The following GRID1 variants were observed in gnomAD, a reference collection of about 807,000 sequenced individuals.
GRID1 encodes the protein glutamate receptor ionotropic, delta-1.
A neutral mutation model predicts 98.0 loss-of-function variants in GRID1; 28 were observed. The ratio of observed to expected loss-of-function variants is 0.29; its 90% CI spans 0.21 to 0.39. The LOEUF (loss-of-function observed/expected upper bound fraction) is 0.39. Among genes scored for constraint, GRID1 ranks in the 10% least tolerant of loss-of-function variants. GRID1 has a pLI of 1.00. For synonymous variants in GRID1, 553 were observed against 538.5 expected (o/e 1.03, Z -0.37); for missense variants, 1,111 against 1,340.5 (o/e 0.83, Z 2.67).
intron 2 of GRID1, among the ~76,000 whole-genome samples, chr10:86,336,962 A>T (rs187145325): frequency 0.035 from 5,246 of 150,204 alleles, 196 homozygotes; most frequent in African/African-American, 0.096. Context: ...CTCCTGCCTC[A>T]GCCTCCCGAG....
chr10:85,651,281 G>T (rs1359610157), intron 12 of GRID1, among the ~76,000 whole-genome samples: 2 of 152,184 alleles, frequency 1.3e-5, no homozygotes, highest in Non-Finnish European at 2.9e-5. Flanking sequence ...TAGTTCAAAT[G>T]GTTGGAACAC....
At chr10:86,269,772 T>G (rs752203722) in intron 2 of GRID1, among the ~76,000 whole-genome samples, 50 of 152,236 alleles carry the variant, frequency 3.3e-4, no homozygotes, top group Non-Finnish European at 6.8e-4. Context: ...TTTGCTTTTT[T>G]GCTTTTTGCT....
intron 5 of GRID1, among the ~76,000 whole-genome samples, chr10:85,878,036 T>A (rs929099987): frequency 6.6e-6 from 1 of 151,866 alleles, no homozygotes; most frequent in South Asian, 2.1e-4. Context: ...GAAGACGAAA[T>A]GAATGAAATG....
chr10:85,630,607 G>T (rs1052544382), intron 13 of GRID1, among the ~76,000 whole-genome samples: 2 of 152,046 alleles, frequency 1.3e-5, no homozygotes, highest in African/African-American at 4.8e-5. Context: ...AAATGGAAGA[G>T]GGGCACAGGT....
chr10:85,854,998 A>G (rs979510632), intron 7 of GRID1, among the ~76,000 whole-genome samples: 2 of 152,218 alleles, frequency 1.3e-5, no homozygotes, highest in Non-Finnish European at 2.9e-5. Context: ...CTAACCCAAG[A>G]GAAAATTCAA....
chr10:86,336,527 G>A (rs917934771), intron 2 of GRID1, among the ~76,000 whole-genome samples: 2 of 152,116 alleles, frequency 1.3e-5, no homozygotes, highest in African/African-American at 4.8e-5. Flanking sequence ...CCTCCTCCAC[G>A]GTGACAATTA....
chr10:85,993,638 T>C (rs1487928625), intron 4 of GRID1, among the ~76,000 whole-genome samples: 2 of 152,142 alleles, frequency 1.3e-5, no homozygotes, highest in Non-Finnish European at 2.9e-5. Flanking sequence ...GGCCCATGAC[T>C]AGTAATAAGA....
chr10:85,685,619 T>C (rs1157666215), intron 12 of GRID1, among the ~76,000 whole-genome samples: 1 of 152,150 alleles, frequency 6.6e-6, no homozygotes, highest in African/African-American at 2.4e-5. Flanking sequence ...CAAACTAGGT[T>C]GGAGACGTGG....
chr10:85,955,410 G>A (rs1478744725), intron 4 of GRID1, among the ~76,000 whole-genome samples: 1 of 152,130 alleles, frequency 6.6e-6, no homozygotes, highest in Non-Finnish European at 1.5e-5. Flanking sequence ...GGACGCAATG[G>A]CCTCCTCTGG....
chr10:85,919,436 C>G (rs1048572048), intron 4 of GRID1, among the ~76,000 whole-genome samples: 4 of 152,174 alleles, frequency 2.6e-5, no homozygotes, highest in African/African-American at 9.6e-5. Flanking sequence ...GTGCCACTCG[C>G]ACAGAGGCTG....
At chr10:85,948,381 T>C (rs1299699103) in intron 4 of GRID1, among the ~76,000 whole-genome samples, 1 of 152,226 alleles carries the variant, frequency 6.6e-6, no homozygotes, top group Non-Finnish European at 1.5e-5. Flanking sequence ...AGGAATTAGG[T>C]AGTCCTTTTG....
intron 4 of GRID1, among the ~76,000 whole-genome samples, chr10:86,067,818 C>T (rs1843741690): frequency 6.6e-6 from 1 of 152,224 alleles, no homozygotes; most frequent in African/African-American, 2.4e-5. Flanking sequence ...CATTCCTATG[C>T]CAGAGCTCCC....
chr10:85,839,339 T>C (rs1048440005), intron 8 of GRID1, among the ~76,000 whole-genome samples: 1 of 152,170 alleles, frequency 6.6e-6, no homozygotes, highest in Non-Finnish European at 1.5e-5. Context: ...AGAATAAACA[T>C]CTTCTCATTG....
intron 3 of GRID1, among the ~76,000 whole-genome samples, chr10:86,196,284 C>T (rs898339573): frequency 2.0e-5 from 3 of 152,034 alleles, no homozygotes; most frequent in African/African-American, 4.8e-5. Context: ...GGGCTCCTAG[C>T]ACAGTTTGTT....
At chr10:85,743,845 G>A (rs570093361) in intron 8 of GRID1, among the ~76,000 whole-genome samples, 1 of 152,228 alleles carries the variant, frequency 6.6e-6, no homozygotes, top group African/African-American at 2.4e-5. Context: ...GCAGAAATTT[G>A]AATGATCCTT....
intron 4 of GRID1, among the ~76,000 whole-genome samples, chr10:86,105,955 A>T (rs1455702481): frequency 4.6e-5 from 7 of 152,212 alleles, no homozygotes; most frequent in Admixed American, 4.6e-4. Context: ...GGGCTGCTTC[A>T]GGGAGAGGAA....
intron 2 of GRID1, among the ~76,000 whole-genome samples, chr10:86,338,014 T>G (rs1373413018): frequency 6.6e-6 from 1 of 152,234 alleles, no homozygotes; most frequent in Non-Finnish European, 1.5e-5. Context: ...GGCCTGGAAC[T>G]TCTTTCTAAT....
chr10:85,602,656 G>A lies in GRID1; in HGVS notation c.2647C>T (p.Leu883Phe), dbSNP rs569741039. 16 of 1,613,870 alleles carry A rather than the reference G, an allele frequency of 9.9e-6. No individual in the cohort carries two copies. Among genetic ancestry groups the A allele is most frequent in the Non-Finnish European group, 1.4e-5 (16 of 1,179,888 alleles). The change falls in exon 16 of 16, where the codon CTC becomes TTC. Residue 883 changes from leucine (L) to phenylalanine (F), a missense_variant. Around this residue, in one of 3 missense-constraint regions of GRID1, gnomAD observed 762 missense variants for 869.1 expected, o/e 0.88. Transcript: ENST00000327946. ...LEQVHRRMNS[L>F]MDEDIAHKQI... ...TTGTGAGCAATGTCTTCATCCATGAGGCTGTTCATGCGCCGGTGGACCTGC... is the reference window on the plus strand; with the variant it reads ...TTGTGAGCAATGTCTTCATCCATGAAGCTGTTCATGCGCCGGTGGACCTGC...
intron 4 of GRID1, among the ~76,000 whole-genome samples, chr10:86,023,113 G>A (rs544587683): frequency 1.2e-4 from 19 of 152,026 alleles, no homozygotes; most frequent in African/African-American, 3.6e-4. Context: ...AACTCCTCAC[G>A]CTGCCACCTG....
Sources: gnomAD v4.1 joint callset for allele counts (sites outside exome capture counted in the v4.1 genomes callset) on GRCh38, gnomAD v4.1.1 for gene constraint, gnomAD v4.1.1 regional missense constraint, MANE v1.5 for transcripts, NCBI Gene and HGNC (gene_info 2026-07-23, HGNC 2026-07-21) for gene names.